Variants in RAB38 observed in about 807,000 individuals in gnomAD.
The protein encoded by RAB38 is RAB38, member RAS oncogene family, also known as ras-related protein Rab-38.
Under a neutral mutation model 18.4 loss-of-function variants are expected in RAB38, and 15 were observed. The observed-to-expected ratio is 0.82, with a 90% CI of 0.55 to 1.26. The LOEUF is 1.26. Among genes scored for constraint, RAB38 ranks in the 50% most tolerant of loss-of-function variants. RAB38 has a pLI of 0.00. For synonymous variants in RAB38, 101 were observed against 104.4 expected (o/e 0.97, Z 0.20); for missense variants, 294 against 267.4 (o/e 1.10, Z -0.69).
chr11:87,877,818 T>C, the RAB38 span, among the ~76,000 whole-genome samples: 2 of 151,506 alleles, frequency 1.3e-5, no homozygotes, highest in Non-Finnish European at 3.0e-5. Context: ...CTTTACTATC[T>C]GGTTTTCTAC....
chr11:88,029,805 A>G, the RAB38 span, among the ~76,000 whole-genome samples: 1 of 152,148 alleles, frequency 6.6e-6, no homozygotes, highest in Non-Finnish European at 1.5e-5. Flanking sequence ...CCCACTGTCA[A>G]CATTAGACAG....
the RAB38 span, among the ~76,000 whole-genome samples, chr11:87,977,591 A>G: frequency 1.7e-5 from 2 of 118,330 alleles, no homozygotes; most frequent in Non-Finnish European, 3.2e-5. Flanking sequence ...ATTTTATAAT[A>G]ATTATGTACT....
At chr11:88,081,478 G>A in the RAB38 span, among the ~76,000 whole-genome samples, 4 of 151,886 alleles carry the variant, frequency 2.6e-5, no homozygotes, top group African/African-American at 4.8e-5. Flanking sequence ...TGACAGGGTT[G>A]GCTCCTCCTG....
At chr11:88,052,935 T>TGATATATATC in the RAB38 span, among the ~76,000 whole-genome samples, 1 of 85,790 alleles carries the variant, frequency 1.2e-5, no homozygotes, top group African/African-American at 5.2e-5. Flanking sequence ...TATATATATA[T>TGATATATATC]ATATATATAA....
At chr11:87,971,872 A>G in the RAB38 span, among the ~76,000 whole-genome samples, 5,778 of 151,734 alleles carry the variant, frequency 0.038, 213 homozygotes, top group South Asian at 0.082. Context: ...CAGAATGCAC[A>G]TGTTCATTGC....
the RAB38 span, among the ~76,000 whole-genome samples, chr11:87,858,406 G>A: frequency 0.25 from 38,261 of 151,936 alleles, 6,216 homozygotes; most frequent in African/African-American, 0.46. Context: ...ACTCATGCCT[G>A]TGTGTTCTTC....
chr11:88,091,926 A>G, the RAB38 span, among the ~76,000 whole-genome samples: 2 of 151,900 alleles, frequency 1.3e-5, no homozygotes, highest in African/African-American at 4.8e-5. Flanking sequence ...GCAAATGAAG[A>G]GGCACGTCAA....
chr11:87,944,445 CTG>C, the RAB38 span, among the ~76,000 whole-genome samples: 1 of 152,138 alleles, frequency 6.6e-6, no homozygotes, highest in Non-Finnish European at 1.5e-5. Context: ...ATGTTGGCAT[CTG>C]TGAAACACCC....
the RAB38 span, among the ~76,000 whole-genome samples, chr11:88,014,134 C>T: frequency 3.4e-4 from 51 of 152,038 alleles, no homozygotes; most frequent in East Asian, 8.1e-3. Context: ...GAGAAATAAA[C>T]GGATTTATAA....
the RAB38 span, among the ~76,000 whole-genome samples, chr11:87,901,710 G>GCAAT: frequency 6.6e-6 from 1 of 151,524 alleles, no homozygotes; most frequent in East Asian, 2.0e-4. Context: ...CCAGAATAAT[G>GCAAT]CAATCACCGG....
the RAB38 span, among the ~76,000 whole-genome samples, chr11:87,852,610 T>TAGTA: frequency 2.6e-5 from 4 of 152,172 alleles, no homozygotes; most frequent in Admixed American, 6.6e-5. Flanking sequence ...CAAGTTTTAA[T>TAGTA]AGTAAGTTTC....
chr11:88,012,423 G>T, the RAB38 span, among the ~76,000 whole-genome samples: 2 of 152,132 alleles, frequency 1.3e-5, no homozygotes, highest in Non-Finnish European at 2.9e-5. Context: ...AAGACGGTGG[G>T]AACCAAGCAC....
chr11:87,941,214 G>GATATAT, the RAB38 span, among the ~76,000 whole-genome samples: 4,167 of 62,362 alleles, frequency 0.067, 259 homozygotes, highest in Non-Finnish European at 0.076. Context: ...AAATATATGA[G>GATATAT]ATATATATAT....
the RAB38 span, among the ~76,000 whole-genome samples, chr11:88,071,243 G>GACACACACACAC: frequency 2.2e-3 from 327 of 148,520 alleles, no homozygotes; most frequent in African/African-American, 7.6e-3. Context: ...ACTGGGGGAG[G>GACACACACACAC]ACACACACAC....
At chr11:88,092,370 GAGAGAGAGAGAGAGAGAGAGAGAGA>G in the RAB38 span, among the ~76,000 whole-genome samples, 1 of 20,382 alleles carries the variant, frequency 4.9e-5, no homozygotes, top group Non-Finnish European at 2.0e-4. Flanking sequence ...GAGAGAGAGA[GAGAGAGAGAGAGAGAGAGAGAGAGA>G]GAGAGAGAGA....
At chr11:87,865,532 G>A in the RAB38 span, among the ~76,000 whole-genome samples, 4 of 151,610 alleles carry the variant, frequency 2.6e-5, no homozygotes, top group African/African-American at 4.8e-5. Flanking sequence ...GAACCCAGAC[G>A]CTTAATTTTA....
At chr11:88,045,276 T>G in the RAB38 span, among the ~76,000 whole-genome samples, 2 of 152,160 alleles carry the variant, frequency 1.3e-5, no homozygotes, top group Admixed American at 6.5e-5. Flanking sequence ...AGGACTTAAT[T>G]AAACTCACCT....
chr11:88,032,275 C>A, the RAB38 span, among the ~76,000 whole-genome samples: 18 of 152,268 alleles, frequency 1.2e-4, no homozygotes, highest in African/African-American at 4.1e-4. Flanking sequence ...ACCATAACAA[C>A]CCTAGAAGAA....
the RAB38 span, among the ~76,000 whole-genome samples, chr11:87,975,496 G>A: frequency 2.0e-5 from 3 of 151,832 alleles, no homozygotes; most frequent in Non-Finnish European, 4.4e-5. Context: ...ACTACAACAC[G>A]AAATGGAGAT....
Sources: gnomAD v4.1 joint callset for allele counts (sites outside exome capture counted in the v4.1 genomes callset) on GRCh38, gnomAD v4.1.1 for gene constraint, MANE v1.5 for transcripts, NCBI Gene and HGNC (gene_info 2026-07-23, HGNC 2026-07-21) for gene names.